The following FRMD4B variants were observed in gnomAD, a reference collection of about 807,000 sequenced individuals.
FRMD4B encodes the protein FERM domain-containing protein 4B.
In FRMD4B, 74 loss-of-function variants were observed where a neutral mutation model predicts 141.5. The observed-to-expected ratio is 0.52, with a 90% CI of 0.43 to 0.63. FRMD4B has a LOEUF of 0.63. FRMD4B is among the 30% of genes least tolerant of loss of function. The probability of loss-of-function intolerance (pLI) is 0.00; values close to 1 mark genes in which losing one functional copy is unlikely to be tolerated. For synonymous variants in FRMD4B, 506 were observed against 467.9 expected, an observed-to-expected ratio of 1.08 and a Z score of -1.05; for missense variants, 1,366 against 1,253.4, an observed-to-expected ratio of 1.09 and a Z score of -1.36.
intron 9 of FRMD4B, among the ~76,000 whole-genome samples, chr3:69,219,055 T>C (rs1422783082): frequency 2.7e-5 from 4 of 150,914 alleles, no homozygotes; most frequent in African/African-American, 9.7e-5. Flanking sequence ...ATCCCAGCTA[T>C]ATGGGAGGCT....
At chr3:69,394,445 A>T (rs910340832) in intron 2 of FRMD4B, among the ~76,000 whole-genome samples, 5 of 152,256 alleles carry the variant, frequency 3.3e-5, no homozygotes, top group Non-Finnish European at 7.3e-5. Flanking sequence ...ACTTAACATG[A>T]CAAAAAGTCC....
chr3:69,295,916 A>G (rs905706437), intron 4 of FRMD4B, among the ~76,000 whole-genome samples: 1 of 152,006 alleles, frequency 6.6e-6, no homozygotes, highest in African/African-American at 2.4e-5. Flanking sequence ...TCCCAGATTC[A>G]AGTGATTCTC....
chr3:69,348,368 G>A (rs1703019751), intron 1 of FRMD4B, among the ~76,000 whole-genome samples: 2 of 152,120 alleles, frequency 1.3e-5, no homozygotes, highest in Admixed American at 6.5e-5. Flanking sequence ...AAAAAGTCCA[G>A]GACCAGATGG....
chr3:69,346,437 C>T (rs902360953), intron 1 of FRMD4B, among the ~76,000 whole-genome samples: 1 of 152,084 alleles, frequency 6.6e-6, no homozygotes, highest in African/African-American at 2.4e-5. Context: ...ACTTCCCCAA[C>T]CTAGCAGGGC....
chr3:69,318,196 A>T (rs1445815133), intron 1 of FRMD4B, among the ~76,000 whole-genome samples: 2 of 151,966 alleles, frequency 1.3e-5, no homozygotes, highest in East Asian at 3.9e-4. Context: ...GCTGGTACGG[A>T]TCTCCTGGGC....
chr3:69,216,403 G>A (rs2093141530), intron 10 of FRMD4B, 54 bp from the exon 11 acceptor site: 1 of 712,374 alleles, frequency 1.4e-6, no homozygotes, highest in Non-Finnish European at 2.4e-6. Context: ...TCTTCTAGAA[G>A]TGAATAAAAT....
chr3:69,412,514 C>T (rs1429322776), intron 2 of FRMD4B, among the ~76,000 whole-genome samples: 9 of 152,162 alleles, frequency 5.9e-5, no homozygotes, highest in Admixed American at 4.6e-4. Context: ...TGGGCTGCTT[C>T]AAGTATCCAA....
intron 12 of FRMD4B, among the ~76,000 whole-genome samples, chr3:69,197,470 A>G (rs1250974141): frequency 1.3e-5 from 2 of 152,090 alleles, no homozygotes; most frequent in Non-Finnish European, 2.9e-5. Flanking sequence ...GCCGGCTCTG[A>G]CATTATCAGA....
intron 2 of FRMD4B, among the ~76,000 whole-genome samples, chr3:69,410,408 G>A (rs1027918847): frequency 5.3e-5 from 8 of 152,112 alleles, no homozygotes; most frequent in African/African-American, 1.9e-4. Context: ...GTGTGAGTAT[G>A]AGTATGAGGG....
chr3:69,314,219 T>C (rs1397687315), intron 1 of FRMD4B, among the ~76,000 whole-genome samples: 1 of 78,734 alleles, frequency 1.3e-5, no homozygotes, highest in East Asian at 3.4e-4. Flanking sequence ...CTGGAATTAA[T>C]GTTTTATTAA....
intron 14 of FRMD4B, among the ~76,000 whole-genome samples, chr3:69,195,955 A>T (rs548039793): frequency 6.6e-6 from 1 of 152,306 alleles, no homozygotes; most frequent in South Asian, 2.1e-4. Flanking sequence ...AATTATCTGT[A>T]TCAAAAACTG....
At chr3:69,198,959 C>T in intron 11 of FRMD4B, 185 bp from the exon 12 acceptor site, 1 of 582,128 alleles carries the variant, frequency 1.7e-6, no homozygotes, top group South Asian at 2.1e-5. Context: ...CTTCTTCTGG[C>T]AGCAATCTTT....
At chr3:69,418,589 G>A (rs1420725766) in intron 2 of FRMD4B, among the ~76,000 whole-genome samples, 1 of 152,190 alleles carries the variant, frequency 6.6e-6, no homozygotes, top group African/African-American at 2.4e-5. Flanking sequence ...CATGTTGTTG[G>A]CATGTTGTGG....
intron 1 of FRMD4B, among the ~76,000 whole-genome samples, chr3:69,487,249 A>G (rs920615558): frequency 1.3e-5 from 2 of 152,226 alleles, no homozygotes; most frequent in African/African-American, 2.4e-5. Flanking sequence ...TATAGTCCCC[A>G]GTAAGGCTTC....
chr3:69,197,472 A>G (rs951945042), intron 12 of FRMD4B, among the ~76,000 whole-genome samples: 5 of 152,116 alleles, frequency 3.3e-5, no homozygotes, highest in Non-Finnish European at 7.3e-5. Context: ...CGGCTCTGAC[A>G]TTATCAGAGA....
intron 5 of FRMD4B, among the ~76,000 whole-genome samples, chr3:69,273,363 A>C (rs1221457568): frequency 6.6e-6 from 1 of 152,230 alleles, no homozygotes; most frequent in Non-Finnish European, 1.5e-5. Context: ...TCCAAAAGAC[A>C]CTTAGAGCAA....
At chr3:69,522,691 G>T (rs1700870358) in intron 1 of FRMD4B, among the ~76,000 whole-genome samples, 1 of 152,152 alleles carries the variant, frequency 6.6e-6, no homozygotes, top group Admixed American at 6.5e-5. Context: ...CTGTTGGAAG[G>T]ATGTAATCAT....
intron 1 of FRMD4B, among the ~76,000 whole-genome samples, chr3:69,373,294 T>G (rs1703880431): frequency 6.6e-6 from 1 of 151,936 alleles, no homozygotes; most frequent in African/African-American, 2.4e-5. Flanking sequence ...ACTAGGAGAG[T>G]GCTAGAAAGA....
chr3:69,235,037 C>CT (rs1249346039), intron 7 of FRMD4B, among the ~76,000 whole-genome samples: 1 of 151,672 alleles, frequency 6.6e-6, no homozygotes, highest in Non-Finnish European at 1.5e-5. Context: ...GTAGTCCCAG[C>CT]TACTCAGGAG....
Sources: gnomAD v4.1 joint callset for allele counts (sites outside exome capture counted in the v4.1 genomes callset) on GRCh38, gnomAD v4.1.1 for gene constraint, MANE v1.5 for transcripts, NCBI Gene and HGNC (gene_info 2026-07-23, HGNC 2026-07-21) for gene names.